The following PPP2R2B variants were observed in gnomAD, a reference collection of about 807,000 sequenced individuals.
PPP2R2B encodes serine/threonine-protein phosphatase 2A 55 kDa regulatory subunit B beta isoform.
PPP2R2B carries 5 observed loss-of-function variants against 46.0 expected under a neutral mutation model. The ratio of observed to expected loss-of-function variants is 0.11; its 90% CI spans 0.06 to 0.23. The LOEUF (loss-of-function observed/expected upper bound fraction) is 0.23, where lower values mean the gene tolerates loss of function less well. PPP2R2B is among the 10% of genes least tolerant of loss of function. The pLI is 1.00. For synonymous variants in PPP2R2B, 215 were observed against 206.7 expected (o/e 1.04, Z -0.34); for missense variants, 367 against 575.0 (o/e 0.64, Z 3.70).
intron 5 of PPP2R2B, among the ~76,000 whole-genome samples, chr5:146,658,670 C>G (rs1257068398): frequency 6.6e-6 from 1 of 152,172 alleles, no homozygotes; most frequent in Non-Finnish European, 1.5e-5. Context: ...GGAGTACCCA[C>G]AGCCTAGGTT....
intron 2 of PPP2R2B, among the ~76,000 whole-genome samples, chr5:146,745,868 G>T (rs1753161220): frequency 6.6e-6 from 1 of 151,962 alleles, no homozygotes; most frequent in South Asian, 2.1e-4. Context: ...TGAGGCAGGA[G>T]AATTGCTTGA....
exon 1 of PPP2R2B, chr5:147,055,928 C>A: frequency 7.0e-7 from 1 of 1,421,952 alleles, no homozygotes. Context: ...CGCCAGGAAG[C>A]ACTGCCTTAC....
chr5:146,834,779 C>A (rs541130475), intron 2 of PPP2R2B, among the ~76,000 whole-genome samples: 3 of 152,174 alleles, frequency 2.0e-5, no homozygotes, highest in African/African-American at 4.8e-5. Context: ...TCTTTCCATC[C>A]TTCCCCTTCA....
intron 2 of PPP2R2B, among the ~76,000 whole-genome samples, chr5:146,785,377 T>G (rs1755772095): frequency 6.6e-6 from 1 of 151,992 alleles, no homozygotes; most frequent in Non-Finnish European, 1.5e-5. Context: ...TGAAACGCTG[T>G]CTCTACAAAA....
rs1052441175 is a variant in PPP2R2B at position 146,946,683 on chromosome 5, T to C, written c.79+108982A>G. The stretch of plus-strand genomic sequence containing the variant: ...AAATCTTTTCTATGTCTAATTTGCA[T>C]TGCAAATTGAGAAGCTAACCAGAGG... On this transcript the variant is annotated intron_variant, in intron 1 of 8. Transcript: ENST00000336640. 4.1e-4 allele frequency among the ~76,000 whole-genome samples: 62 copies of C among 152,140 alleles called. 1 individual carries two copies. The highest frequency in any genetic ancestry group is 3.8e-4 in the Non-Finnish European group (26 of 68,016).
rs531204273 is a variant in PPP2R2B at position 146,706,960 on chromosome 5, G to A, written c.71-5818C>T. The A allele has an allele frequency of 1.6e-5, 17 of 1,040,550 alleles. No homozygotes were observed. In the African/African-American group the frequency reaches 2.3e-4, roughly 14 times the overall value. The allele number at this position is 1,040,550 out of a possible 1,614,324, so 64.5% of individuals were successfully genotyped here. On this transcript the variant is annotated intron_variant, in intron 2 of 9. Transcript: ENST00000394411. Reference sequence around the variant, plus strand: ...ACAGCTGCCTGAGGAAGTTGATATCGTCAGCCCTTCCAGGCAAGACTCCAG... The same window carrying A: ...ACAGCTGCCTGAGGAAGTTGATATCATCAGCCCTTCCAGGCAAGACTCCAG...
chr5:146,888,514 A>G (rs1036884725), intron 1 of PPP2R2B, among the ~76,000 whole-genome samples: 1 of 151,912 alleles, frequency 6.6e-6, no homozygotes, highest in African/African-American at 2.4e-5. Flanking sequence ...TTCACCCCCA[A>G]CCCCTACAGA....
At chr5:146,746,917 A>G (rs538976916) in intron 2 of PPP2R2B, among the ~76,000 whole-genome samples, 1 of 152,316 alleles carries the variant, frequency 6.6e-6, no homozygotes, top group African/African-American at 2.4e-5. Context: ...ACAAGTTCAT[A>G]TGGCGAGTCC....
chr5:146,929,238 T>C (rs1389576984), intron 1 of PPP2R2B, among the ~76,000 whole-genome samples: 1 of 152,160 alleles, frequency 6.6e-6, no homozygotes, highest in Non-Finnish European at 1.5e-5. Flanking sequence ...TTATTTCCTA[T>C]CCTTAATGTT....
At chr5:146,802,859 G>C (rs959897894) in intron 2 of PPP2R2B, among the ~76,000 whole-genome samples, 3 of 152,174 alleles carry the variant, frequency 2.0e-5, no homozygotes, top group Admixed American at 6.5e-5. Flanking sequence ...AGTTATGCAA[G>C]TATTTTGAAC....
At chr5:147,050,862 C>G (rs561450601) in intron 1 of PPP2R2B, among the ~76,000 whole-genome samples, 30 of 149,440 alleles carry the variant, frequency 2.0e-4, no homozygotes, top group Non-Finnish European at 3.9e-4. Flanking sequence ...AGCAAACATG[C>G]TTCCGGGTGT....
At chr5:146,661,028 A>G (rs1776635387) in intron 5 of PPP2R2B, among the ~76,000 whole-genome samples, 1 of 152,230 alleles carries the variant, frequency 6.6e-6, no homozygotes, top group South Asian at 2.1e-4. Context: ...GAGGAATCAG[A>G]TAAGTTGTTT....
intron 1 of PPP2R2B, among the ~76,000 whole-genome samples, chr5:146,979,558 AAC>A (rs34864782): frequency 0.22 from 29,917 of 136,902 alleles, 3,182 homozygotes; most frequent in East Asian, 0.4. Flanking sequence ...CCCACCTTGA[AAC>A]ACACACACAC....
chr5:146,876,462 G>T (rs940841162), intron 2 of PPP2R2B, among the ~76,000 whole-genome samples: 1 of 152,258 alleles, frequency 6.6e-6, no homozygotes, highest in Admixed American at 6.5e-5. Context: ...TCCCCCAAAA[G>T]CCAACAGACC....
intron 1 of PPP2R2B, among the ~76,000 whole-genome samples, chr5:147,002,475 T>A (rs575269336): frequency 6.6e-6 from 1 of 152,122 alleles, no homozygotes; most frequent in South Asian, 2.1e-4. Flanking sequence ...AGGAAATGGA[T>A]AAAGTCCCAA....
intron 2 of PPP2R2B, among the ~76,000 whole-genome samples, chr5:146,724,907 G>A (rs143245680): frequency 6.6e-6 from 1 of 152,192 alleles, no homozygotes; most frequent in African/African-American, 2.4e-5. Context: ...TTGACAGTTA[G>A]GAAAGGGAGA....
At chr5:146,941,610 C>A (rs1165653760) in intron 1 of PPP2R2B, among the ~76,000 whole-genome samples, 1 of 152,154 alleles carries the variant, frequency 6.6e-6, no homozygotes, top group Non-Finnish European at 1.5e-5. Context: ...CCTGATAGAA[C>A]CTTTCCACTT....
chr5:146,803,083 A>G (rs952522187), intron 2 of PPP2R2B, among the ~76,000 whole-genome samples: 1 of 152,180 alleles, frequency 6.6e-6, no homozygotes, highest in African/African-American at 2.4e-5. Flanking sequence ...ATATGCTCCA[A>G]ATGCTACTTC....
At chr5:146,669,260 T>C (rs1177020823) in intron 5 of PPP2R2B, among the ~76,000 whole-genome samples, 1 of 152,114 alleles carries the variant, frequency 6.6e-6, no homozygotes, top group African/African-American at 2.4e-5. Context: ...TAGAATAATA[T>C]GAAAAAAGGA....
Sources: allele counts gnomAD v4.1 joint callset (sites outside exome capture counted in the v4.1 genomes callset), GRCh38; gene constraint gnomAD v4.1.1; transcripts MANE v1.5; gene names NCBI Gene and HGNC (gene_info 2026-07-23, HGNC 2026-07-21).